ZBTB20: variants seen among roughly 807,000 people sequenced by gnomAD.
ZBTB20 encodes the protein zinc finger and BTB domain containing 20.
Under a neutral mutation model 56.9 loss-of-function variants are expected in ZBTB20, and 9 were observed. The ratio of observed to expected loss-of-function variants is 0.16; its 90% CI spans 0.10 to 0.28. The LOEUF is 0.28. Among genes scored for constraint, ZBTB20 ranks in the 10% least tolerant of loss-of-function variants. The pLI is 1.00. For missense variants in ZBTB20, 655 were observed against 1,003.0 expected, an observed-to-expected ratio of 0.65 and a Z score of 4.69; for synonymous variants, 417 against 420.7, an observed-to-expected ratio of 0.99 and a Z score of 0.11.
chr3:114,566,780 A>AG (rs1376499639), intron 6 of ZBTB20, among the ~76,000 whole-genome samples: 2 of 152,236 alleles, frequency 1.3e-5, no homozygotes, highest in East Asian at 3.9e-4. Flanking sequence ...TGCAAAATGT[A>AG]TCACTTTAAT....
chr3:114,674,260 T>TTA (rs1390545919), intron 6 of ZBTB20, among the ~76,000 whole-genome samples: 1 of 152,188 alleles, frequency 6.6e-6, no homozygotes, highest in Non-Finnish European at 1.5e-5. Context: ...AAGCAATTGT[T>TTA]TAGTTACTCT....
chr3:115,111,045 TAA>T (rs1553896482), intron 1 of ZBTB20, among the ~76,000 whole-genome samples: 1 of 131,534 alleles, frequency 7.6e-6, no homozygotes, highest in African/African-American at 2.8e-5. Flanking sequence ...AATAAATAAA[TAA>T]AAATAAAACA....
chr3:114,830,669 G>A (rs1488045855), intron 4 of ZBTB20, among the ~76,000 whole-genome samples: 1 of 152,014 alleles, frequency 6.6e-6, no homozygotes, highest in Non-Finnish European at 1.5e-5. Flanking sequence ...CTGGGACTCA[G>A]AGAAGTTAGA....
At chr3:115,007,249 T>G (rs2079512009) in intron 2 of ZBTB20, among the ~76,000 whole-genome samples, 1 of 151,680 alleles carries the variant, frequency 6.6e-6, no homozygotes, top group South Asian at 2.1e-4. Flanking sequence ...TGACTTCAAC[T>G]TCTTCTGGAA....
At chr3:114,753,324 C>CATTATATATAATGTATATATGTATA (rs756251155) in intron 5 of ZBTB20, among the ~76,000 whole-genome samples, 10 of 117,270 alleles carry the variant, frequency 8.5e-5, no homozygotes, top group African/African-American at 3.3e-4. Flanking sequence ...TATATGTATA[C>CATTATATATAATGTATATATGTATA]CTGTATATAT....
intron 6 of ZBTB20, among the ~76,000 whole-genome samples, chr3:114,626,855 C>A (rs2058682085): frequency 6.6e-6 from 1 of 152,154 alleles, no homozygotes; most frequent in African/African-American, 2.4e-5. Flanking sequence ...ATCATCGCAG[C>A]CTAATTGATT....
chr3:114,933,557 T>A (rs1274599555), intron 3 of ZBTB20, among the ~76,000 whole-genome samples: 1 of 152,196 alleles, frequency 6.6e-6, no homozygotes, highest in East Asian at 1.9e-4. Context: ...AGTCACAGTA[T>A]CAGGAATAAG....
Position 114,625,410 on chromosome 3 carries a change from T to C in ZBTB20, c.-295+68118A>G, listed in dbSNP as rs73224532. On this transcript the variant is annotated intron_variant, in intron 6 of 11. Transcript: ENST00000675478. ...GGTGACTTCCTATATACTATCCTAG[T>C]ATTTTGGTACTGTTTTCCCAATTCA... is the stretch of plus-strand genomic sequence containing the variant. Among the ~76,000 whole-genome samples, 1,418 of 152,310 alleles carry C rather than the reference T, an allele frequency of 9.3e-3. 35 individuals carry two copies. The highest frequency in any genetic ancestry group is 0.065 in the South Asian group (314 of 4,816).
At chr3:114,465,519 C>A (rs2092509255) in intron 7 of ZBTB20, among the ~76,000 whole-genome samples, 1 of 151,814 alleles carries the variant, frequency 6.6e-6, no homozygotes, top group Admixed American at 6.6e-5. Flanking sequence ...CCAGCCTGGC[C>A]AATATGATGA....
At chr3:115,093,585 G>A (rs192179907) in intron 1 of ZBTB20, among the ~76,000 whole-genome samples, 138 of 152,232 alleles carry the variant, frequency 9.1e-4, no homozygotes, top group African/African-American at 3.2e-3. Flanking sequence ...GGAAACACAC[G>A]CACACTTATC....
intron 3 of ZBTB20, among the ~76,000 whole-genome samples, chr3:114,953,631 G>A (rs1333559441): frequency 6.6e-6 from 1 of 151,978 alleles, no homozygotes; most frequent in Admixed American, 6.6e-5. Context: ...ATCATATAAT[G>A]TTGAAGAGTT....
At chr3:114,885,408 T>A (rs1189148034) in intron 4 of ZBTB20, among the ~76,000 whole-genome samples, 4 of 146,984 alleles carry the variant, frequency 2.7e-5, no homozygotes, top group Non-Finnish European at 6.0e-5. Flanking sequence ...TCATCCTTTT[T>A]GTTGTAGTTG....
At chr3:114,952,342 T>A (rs2077096232) in intron 3 of ZBTB20, among the ~76,000 whole-genome samples, 1 of 152,062 alleles carries the variant, frequency 6.6e-6, no homozygotes, top group South Asian at 2.1e-4. Context: ...ACATGATGCC[T>A]TCCATCATGA....
chr3:114,606,565 G>C (rs1189488132), intron 6 of ZBTB20, among the ~76,000 whole-genome samples: 2 of 152,152 alleles, frequency 1.3e-5, no homozygotes, highest in South Asian at 4.1e-4. Flanking sequence ...GGGCTTCCCT[G>C]AAGTGTGAAT....
intron 2 of ZBTB20, among the ~76,000 whole-genome samples, chr3:114,993,916 A>G (rs1003111917): frequency 6.6e-6 from 1 of 151,838 alleles, no homozygotes; most frequent in Non-Finnish European, 1.5e-5. Flanking sequence ...ACAAAAATTA[A>G]TAACATGAAA....
intron 1 of ZBTB20, among the ~76,000 whole-genome samples, chr3:115,099,786 C>T (rs1367564079): frequency 6.6e-6 from 1 of 151,926 alleles, no homozygotes; most frequent in Non-Finnish European, 1.5e-5. Flanking sequence ...TAAATAAGGA[C>T]AACATGATAT....
At chr3:114,384,906 T>G (rs2084904483) in intron 8 of ZBTB20, among the ~76,000 whole-genome samples, 1 of 152,234 alleles carries the variant, frequency 6.6e-6, no homozygotes, top group Non-Finnish European at 1.5e-5. Context: ...CACACTCTTT[T>G]GCACATATTG....
At chr3:115,012,278 GAACA>G (rs1201757571) in intron 2 of ZBTB20, among the ~76,000 whole-genome samples, 6 of 151,760 alleles carry the variant, frequency 4.0e-5, no homozygotes, top group Admixed American at 2.0e-4. Context: ...GTGGATGAAT[GAACA>G]AACAAACAAA....
At chr3:114,747,584 C>T (rs982654903) in intron 5 of ZBTB20, among the ~76,000 whole-genome samples, 12 of 151,854 alleles carry the variant, frequency 7.9e-5, no homozygotes, top group African/African-American at 2.9e-4. Flanking sequence ...AATAAAATGA[C>T]GTTCATATTT....
Sources: gnomAD v4.1 joint callset for allele counts (sites outside exome capture counted in the v4.1 genomes callset) on GRCh38, gnomAD v4.1.1 for gene constraint, MANE v1.5 for transcripts, NCBI Gene and HGNC (gene_info 2026-07-23, HGNC 2026-07-21) for gene names.